The following PTPRB variants were observed in gnomAD, a reference collection of about 807,000 sequenced individuals.
PTPRB encodes receptor-type tyrosine-protein phosphatase beta.
In PTPRB, 97 loss-of-function variants were observed where a neutral mutation model predicts 238.1. That is an observed-to-expected ratio of 0.41 (90% CI 0.35 to 0.48). The LOEUF (loss-of-function observed/expected upper bound fraction) is 0.48, where lower values mean the gene tolerates loss of function less well. Among genes scored for constraint, PTPRB ranks in the 20% least tolerant of loss-of-function variants. The pLI, the probability that PTPRB is intolerant of heterozygous loss-of-function variation, is 0.30. For missense variants in PTPRB, 2,292 were observed against 2,681.9 expected, an observed-to-expected ratio of 0.85 and a Z score of 3.21; for synonymous variants, 970 against 995.4, an observed-to-expected ratio of 0.97 and a Z score of 0.48.
intron 30 of PTPRB, 37 bp downstream of exon 30, chr12:70,534,796 C>A: frequency 6.2e-7 from 1 of 1,610,580 alleles, no homozygotes; most frequent in Middle Eastern, 1.7e-4. Context: ...CATTCATCTC[C>A]CCAAGCTCGG....
intron 10 of PTPRB, among the ~76,000 whole-genome samples, chr12:70,577,763 A>G (rs764285374): frequency 2.6e-5 from 4 of 152,190 alleles, no homozygotes; most frequent in Admixed American, 6.5e-5. Context: ...ATCCATCACT[A>G]AAAATTATAA....
chr12:70,524,720 G>T, intron 32 of PTPRB, 129 bp from the exon 33 acceptor site: 1 of 940,748 alleles, frequency 1.1e-6, no homozygotes, highest in Non-Finnish European at 1.5e-6. Context: ...CTTCACTAAT[G>T]GTCTCTGGTA....
rs868650259 is a variant in PTPRB, at chr12:70,552,501, T to A, written c.5387+276A>T. On this transcript the variant is annotated intron_variant, in intron 21 of 33. Transcript: ENST00000334414. Reference sequence around the variant, plus strand: ...TCTGTCTCAAAAAAAAAAAAAAAAATAATGAAAGTTGTAGAAGAAAGAACA... The same window carrying A: ...TCTGTCTCAAAAAAAAAAAAAAAAAAAATGAAAGTTGTAGAAGAAAGAACA... 5.6e-3 allele frequency among the ~76,000 whole-genome samples: 546 copies of A among 97,934 alleles called. 19 individuals are homozygous for A. The highest frequency in any genetic ancestry group is 9.3e-3 in the East Asian group (31 of 3,316). 64.2% of individuals were successfully genotyped at this position (97,934 alleles called of 152,430 possible). A position where few individuals can be genotyped will look rare whatever the true frequency, so the allele number is the denominator to read the frequency against.
chr12:70,577,556 T>C (rs775848530), intron 10 of PTPRB, among the ~76,000 whole-genome samples: 1 of 152,194 alleles, frequency 6.6e-6, no homozygotes, highest in African/African-American at 2.4e-5. Context: ...AGGGTTAAAA[T>C]ATTACAGTAT....
chr12:70,538,349 TC>T, intron 27 of PTPRB, 118 bp from the exon 28 acceptor site: 1 of 815,508 alleles, frequency 1.2e-6, no homozygotes, highest in Non-Finnish European at 1.9e-6. Flanking sequence ...TGATCTTATC[TC>T]CATTTTGCAG....
intron 33 of PTPRB, among the ~76,000 whole-genome samples, chr12:70,523,701 C>A (rs192371292): frequency 6.6e-6 from 1 of 152,234 alleles, no homozygotes; most frequent in African/African-American, 2.4e-5. Flanking sequence ...CGTTGCCACT[C>A]TTTATGGGTA....
chr12:70,573,511 T>C (rs1281128307), intron 11 of PTPRB, among the ~76,000 whole-genome samples: 5 of 133,986 alleles, frequency 3.7e-5, no homozygotes, highest in African/African-American at 5.8e-5. Flanking sequence ...TTTTCTTTTT[T>C]TTTTTTTTTT....
intron 32 of PTPRB, among the ~76,000 whole-genome samples, chr12:70,530,518 G>A (rs1047420111): frequency 5.3e-5 from 8 of 151,946 alleles, no homozygotes; most frequent in Non-Finnish European, 8.8e-5. Context: ...ATACACACGT[G>A]TACACATACA....
At chr12:70,567,065 T>C (rs1879397629) in intron 14 of PTPRB, among the ~76,000 whole-genome samples, 1 of 152,198 alleles carries the variant, frequency 6.6e-6, no homozygotes, top group Admixed American at 6.5e-5. Flanking sequence ...ACAGCTGAAT[T>C]ATGTCTCTTG....
At chr12:70,623,938 A>G (rs914431664) in intron 2 of PTPRB, among the ~76,000 whole-genome samples, 1 of 152,152 alleles carries the variant, frequency 6.6e-6, no homozygotes, top group African/African-American at 2.4e-5. Context: ...GAGGAGGGCG[A>G]TGAGGGCACA....
chr12:70,530,857 G>C (rs1223031956), intron 32 of PTPRB, among the ~76,000 whole-genome samples: 1 of 152,100 alleles, frequency 6.6e-6, no homozygotes, highest in African/African-American at 2.4e-5. Context: ...CAGGATTACA[G>C]GCATGAGCCA....
chr12:70,549,170 G>T (rs59945379), intron 21 of PTPRB, among the ~76,000 whole-genome samples: 7,540 of 152,202 alleles, frequency 0.05, 614 homozygotes, highest in African/African-American at 0.17. Flanking sequence ...AGATAATTAT[G>T]AATATGACAC....
chr12:70,596,073 A>C lies in PTPRB; in HGVS notation c.1234T>G (p.Ser412Ala). ...TAVSGGKRSF[S>A]VYTNGSTVPS... ...CCTGTTGATCCATTGGTATAAACTG[A>C]AAAAGAACGTTTTCCTCCAGAAACA... Residue 412 changes from serine to alanine, a missense_variant, in exon 5 of 34, where the codon TCA becomes GCA. By Grantham distance (99) the Ser-to-Ala change is moderately conservative. Transcript: ENST00000334414. The C allele has an allele frequency of 6.2e-7, 1 of 1,610,606 alleles. No individual in the cohort carries two copies. The highest frequency in any genetic ancestry group is 8.5e-7 in the Non-Finnish European group (1 of 1,177,546).
chr12:70,601,740 C>T (rs1036602220), intron 4 of PTPRB, among the ~76,000 whole-genome samples: 1 of 151,696 alleles, frequency 6.6e-6, no homozygotes, highest in Non-Finnish European at 1.5e-5. Flanking sequence ...TGCACAACCT[C>T]CAGTTAATTA....
intron 4 of PTPRB, among the ~76,000 whole-genome samples, chr12:70,599,509 C>A (rs1464490173): frequency 6.6e-6 from 1 of 152,014 alleles, no homozygotes. Flanking sequence ...TAAATCAAAG[C>A]TTTAGTCTTG....
At chr12:70,578,747 T>G (rs988012626) in intron 10 of PTPRB, among the ~76,000 whole-genome samples, 1 of 152,208 alleles carries the variant, frequency 6.6e-6, no homozygotes, top group Non-Finnish European at 1.5e-5. Flanking sequence ...CACAATAAGT[T>G]GGACAATCCT....
At chr12:70,605,026 T>C (rs1883828808) in intron 4 of PTPRB, among the ~76,000 whole-genome samples, 1 of 152,148 alleles carries the variant, frequency 6.6e-6, no homozygotes, top group Non-Finnish European at 1.5e-5. Flanking sequence ...GCTGATATGG[T>C]GATTCAACAA....
intron 21 of PTPRB, among the ~76,000 whole-genome samples, chr12:70,547,069 C>T (rs963059936): frequency 6.6e-6 from 1 of 151,448 alleles, no homozygotes; most frequent in African/African-American, 2.4e-5. Context: ...GGTATCTGGG[C>T]ATGTCCTGTG....
intron 18 of PTPRB, among the ~76,000 whole-genome samples, chr12:70,556,726 A>G (rs548149578): frequency 6.6e-6 from 1 of 152,230 alleles, no homozygotes; most frequent in Non-Finnish European, 1.5e-5. Context: ...TTTTCACACT[A>G]CAGAAAATCA....
Sources: gnomAD v4.1 joint callset for allele counts (sites outside exome capture counted in the v4.1 genomes callset) on GRCh38, gnomAD v4.1.1 for gene constraint, MANE v1.5 for transcripts, NCBI Gene and HGNC (gene_info 2026-07-23, HGNC 2026-07-21) for gene names.